Variants in EPS15L1 observed in about 807,000 individuals in gnomAD.
EPS15L1 encodes epidermal growth factor receptor substrate 15-like 1.
A neutral mutation model predicts 117.1 loss-of-function variants in EPS15L1; 43 were observed. The ratio of observed to expected loss-of-function variants is 0.37; its 90% confidence interval spans 0.29 to 0.47. The LOEUF (loss-of-function observed/expected upper bound fraction) is 0.47, where lower values mean the gene tolerates loss of function less well. Among genes scored for constraint, EPS15L1 ranks in the 20% least tolerant of loss-of-function variants. The pLI, the probability that EPS15L1 is intolerant of heterozygous loss-of-function variation, is 0.99. For synonymous variants in EPS15L1, 459 were observed against 470.5 expected (o/e 0.98, Z 0.32); for missense variants, 981 against 1,164.0 (o/e 0.84, Z 2.29).
At chr19:16,462,033 C>A (rs968566703) in intron 1 of EPS15L1, among the ~76,000 whole-genome samples, 5 of 152,188 alleles carry the variant, frequency 3.3e-5, no homozygotes, top group Non-Finnish European at 5.9e-5. Flanking sequence ...CAGAGCTCCT[C>A]GACCCTCCCG....
At chr19:16,441,812 C>T in intron 3 of EPS15L1, 80 bp downstream of exon 3, 2 of 1,112,110 alleles carry the variant, frequency 1.8e-6, no homozygotes, top group South Asian at 2.9e-5. Context: ...TGGAAGGAGG[C>T]CTGCACAGGC....
At chr19:16,469,996 TG>T (rs1325726657) in intron 1 of EPS15L1, among the ~76,000 whole-genome samples, 1 of 150,154 alleles carries the variant, frequency 6.7e-6, no homozygotes, top group Admixed American at 6.6e-5. Flanking sequence ...CGAGAGCAAG[TG>T]TAAAGAAGTG....
chr19:16,388,825 C>CA (rs1479518720), intron 19 of EPS15L1, among the ~76,000 whole-genome samples: 2 of 151,880 alleles, frequency 1.3e-5, no homozygotes, highest in Admixed American at 6.6e-5. Context: ...AACTCTGTCT[C>CA]AAAAAAACAA....
rs967517646 is a variant in EPS15L1 at position 16,471,936 on chromosome 19, G to A, written c.10C>T (p.Pro4Ser). The A allele has an allele frequency of 3.4e-5, 44 of 1,291,146 alleles. No homozygotes were observed. Among genetic ancestry groups the A allele is most frequent in the Non-Finnish European group, 3.8e-5 (39 of 1,020,726 alleles). 80.0% of individuals were successfully genotyped at this position (1,291,146 alleles called of 1,614,324 possible). A position where few individuals can be genotyped will look rare whatever the true frequency, so the allele number is the denominator to read the frequency against. Reference sequence around the variant, plus strand: ...ACCTGCTGGGAGAGGGGGATGAGCGGCGCCGCCATCTTCCCGCGGACTCGG... The same window carrying A: ...ACCTGCTGGGAGAGGGGGATGAGCGACGCCGCCATCTTCCCGCGGACTCGG... Reference protein sequence around the residue: MAAPLIPLSQQIPT... With the variant: MAASLIPLSQQIPT... The change falls in exon 1 of 24, where the codon CCG becomes TCG. Residue 4 changes from proline to serine, a missense_variant. Physicochemically the swap from Pro to Ser is moderately conservative, Grantham distance 74 (BLOSUM62 -1). Coordinates refer to ENST00000455140, the MANE Select transcript of EPS15L1 (RefSeq NM_001258374.3). The surrounding 1 kb of genome is among the most constrained non-coding windows in gnomAD (Gnocchi z 4.8).
Position 16,361,774 on chromosome 19 carries a change from C to A in EPS15L1, c.2586+5G>T, listed in dbSNP as rs755870780. The A allele has an allele frequency of 6.2e-7, 1 of 1,611,728 alleles. No individual in the cohort carries two copies. The highest frequency in any genetic ancestry group is 1.1e-5 in the South Asian group (1 of 90,586). Reference sequence around the variant, plus strand: ...GGTGGCCCGGAGGCGGAGGACTCAACTTACAGAGGTGAAGTCTGCAAAGCC... The same window carrying A: ...GGTGGCCCGGAGGCGGAGGACTCAAATTACAGAGGTGAAGTCTGCAAAGCC... On this transcript the variant is annotated splice_donor_5th_base_variant and intron_variant, in intron 23 of 23. Coordinates refer to ENST00000455140, the MANE Select transcript of EPS15L1 (RefSeq NM_001258374.3).
chr19:16,395,228 T>A, intron 17 of EPS15L1, 116 bp downstream of exon 17: 2 of 1,021,368 alleles, frequency 2.0e-6, no homozygotes, highest in Non-Finnish European at 2.8e-6. Context: ...AAGGCATTCC[T>A]TTCCCCCTCC....
rs527994003 is a variant in EPS15L1 at position 16,437,556 on chromosome 19, CAG to C, written c.309+212_309+213del. 8.5e-5 allele frequency among the ~76,000 whole-genome samples: 13 copies of C among 152,256 alleles called. No individual in the cohort carries two copies. The South Asian group carries it at 2.1e-3, about 24-fold the overall frequency. On this transcript the variant is annotated intron_variant, in intron 5 of 23. Coordinates refer to ENST00000455140, the MANE Select transcript of EPS15L1 (RefSeq NM_001258374.3). ...GGGATGAAAAAGTTCTGGAGCTAGACAGAGGTAATGAAGACACAACACTGTAA... is the reference window on the plus strand; with the variant it reads ...GGGATGAAAAAGTTCTGGAGCTAGACAGGTAATGAAGACACAACACTGTAA...
Position 16,425,468 on chromosome 19 carries a change from A to AT in EPS15L1, c.559-153dup, listed in dbSNP as rs895541805. 24 of 637,946 alleles carry AT rather than the reference A, an allele frequency of 3.8e-5. No individual in the cohort carries two copies. The African/African-American group carries it at 3.9e-4, about 10-fold the overall frequency. The allele number at this position is 637,946 out of a possible 1,614,324, so 39.5% of individuals were successfully genotyped here. ...CCAGAGTGAAAAGAAATCATTCCTC[A>AT]TGAGTTATCTTTTATGTGTAACTTT... On this transcript the variant is annotated intron_variant, in intron 8 of 23. Transcript: ENST00000455140.
intron 19 of EPS15L1, among the ~76,000 whole-genome samples, chr19:16,387,373 A>C (rs2092431004): frequency 6.6e-6 from 1 of 152,120 alleles, no homozygotes; most frequent in Admixed American, 6.5e-5. Context: ...TGTGGGGGCC[A>C]AGGCAAGTGG....
At chr19:16,446,382 T>G (rs2093083804) in intron 1 of EPS15L1, among the ~76,000 whole-genome samples, 1 of 152,228 alleles carries the variant, frequency 6.6e-6, no homozygotes, top group Non-Finnish European at 1.5e-5. Flanking sequence ...GCTAGCAAAG[T>G]ACGCGCTCTT....
At chr19:16,464,224 A>C (rs2093279240) in intron 1 of EPS15L1, among the ~76,000 whole-genome samples, 1 of 152,228 alleles carries the variant, frequency 6.6e-6, no homozygotes, top group Admixed American at 6.5e-5. Context: ...TGTGACCTTT[A>C]CTTTCACCCC....
chr19:16,380,048 A>G (rs897791), intron 21 of EPS15L1, among the ~76,000 whole-genome samples: 138,236 of 152,230 alleles, frequency 0.91, 63,311 homozygotes, highest in Non-Finnish European at 0.97. Context: ...AGCCAGCTAA[A>G]GCTCCAGTGT....
intron 1 of EPS15L1, among the ~76,000 whole-genome samples, chr19:16,448,602 G>A (rs1221285259): frequency 6.6e-6 from 1 of 151,052 alleles, no homozygotes; most frequent in Non-Finnish European, 1.5e-5. Context: ...CCAGCACATT[G>A]GGAGGCCAAG....
chr19:16,437,889 G>A, intron 4 of EPS15L1, 24 bp from the exon 5 acceptor site: 1 of 1,583,148 alleles, frequency 6.3e-7, no homozygotes, highest in Non-Finnish European at 8.7e-7. Flanking sequence ...GAAAGGGAAG[G>A]AGTAAACAGC....
intron 3 of EPS15L1, 22 bp downstream of exon 3, chr19:16,441,870 A>G (rs755528651): frequency 6.3e-7 from 1 of 1,590,860 alleles, no homozygotes; most frequent in South Asian, 1.1e-5. Flanking sequence ...CAGAAGAGAA[A>G]TCACTATTCA....
Position 16,413,525 on chromosome 19 carries a change from C to T in EPS15L1, c.1266+248G>A, listed in dbSNP as rs2092727576. 3 of 717,852 alleles carry T rather than the reference C, an allele frequency of 4.2e-6. No individual in the cohort carries two copies. In the Admixed American group the frequency reaches 7.2e-5, roughly 17 times the overall value. 44.5% of individuals were successfully genotyped at this position (717,852 alleles called of 1,614,324 possible). A position where few individuals can be genotyped will look rare whatever the true frequency, so the allele number is the denominator to read the frequency against. ...TCACTGACCACCTTGTCAAGACCTA[C>T]ACCAGAGTCTCCATGCAGAGCACCC... On this transcript the variant is annotated intron_variant, in intron 13 of 23. Coordinates refer to ENST00000455140, the MANE Select transcript of EPS15L1 (RefSeq NM_001258374.3).
At chr19:16,396,409 G>A (rs1043677573) in intron 16 of EPS15L1, among the ~76,000 whole-genome samples, 2 of 152,048 alleles carry the variant, frequency 1.3e-5, no homozygotes, top group South Asian at 2.1e-4. Context: ...CTATAGGCGC[G>A]CACCACCAAG....
chr19:16,401,264 G>A (rs1388002661), intron 16 of EPS15L1: 2 of 985,372 alleles, frequency 2.0e-6, no homozygotes, highest in Admixed American at 6.1e-5. Context: ...CAGCAGCCCA[G>A]GGGACGCGTG....
chr19:16,409,484 T>C (rs1599598436), intron 13 of EPS15L1, among the ~76,000 whole-genome samples: 3 of 152,126 alleles, frequency 2.0e-5, no homozygotes, highest in Admixed American at 2.0e-4. Flanking sequence ...AAAAAAAGGA[T>C]AAACCAGACT....
Sources: gnomAD v4.1 joint callset for allele counts (sites outside exome capture counted in the v4.1 genomes callset) on GRCh38, gnomAD v4.1.1 for gene constraint, Gnocchi (gnomAD v3.1) non-coding constraint, MANE v1.5 for transcripts, NCBI Gene and HGNC (gene_info 2026-07-23, HGNC 2026-07-21) for gene names.